Variants in MTREX observed in about 807,000 individuals in gnomAD.
MTREX encodes the protein Mtr4 exosome RNA helicase.
Under a neutral mutation model 135.4 loss-of-function variants are expected in MTREX, and 76 were observed. The observed-to-expected ratio is 0.56, with a 90% CI of 0.47 to 0.68. MTREX has a LOEUF of 0.68. Ranked by LOEUF, MTREX falls within the 30% of genes least tolerant of loss-of-function variation. The probability of loss-of-function intolerance (pLI) is 0.00; values close to 1 mark genes in which losing one functional copy is unlikely to be tolerated. For missense variants in MTREX, 920 were observed against 1,262.1 expected (o/e 0.73, Z 4.11); for synonymous variants, 404 against 401.6 (o/e 1.01, Z -0.07).
intron 15 of MTREX, among the ~76,000 whole-genome samples, chr5:55,363,440 A>T (rs973733039): frequency 6.6e-6 from 1 of 151,578 alleles, no homozygotes; most frequent in Non-Finnish European, 1.5e-5. Context: ...TCAGTAAGCA[A>T]ATTGGCAAAA....
chr5:55,353,538 AC>A (rs986752216), intron 14 of MTREX, among the ~76,000 whole-genome samples: 8 of 152,184 alleles, frequency 5.3e-5, no homozygotes, highest in Admixed American at 4.6e-4. Context: ...CCCCATCTCT[AC>A]AAAAAATGCA....
chr5:55,327,584 C>A, intron 3 of MTREX, 132 bp from the exon 4 acceptor site: 1 of 682,996 alleles, frequency 1.5e-6, no homozygotes. Flanking sequence ...TTTACAGTGT[C>A]TGAGACAGCT....
At chr5:55,367,013 CTG>C in intron 16 of MTREX, 138 bp downstream of exon 16, 1 of 595,040 alleles carries the variant, frequency 1.7e-6, no homozygotes, top group South Asian at 3.6e-5. Flanking sequence ...CAACTGTAGT[CTG>C]GTCATTGTAA....
chr5:55,334,113 G>T (rs1749517010), intron 5 of MTREX, among the ~76,000 whole-genome samples: 1 of 152,096 alleles, frequency 6.6e-6, no homozygotes, highest in Non-Finnish European at 1.5e-5. Context: ...GAAATATCCA[G>T]AATAGGTAAA....
chr5:55,380,979 A>G (rs183982156), intron 18 of MTREX, among the ~76,000 whole-genome samples: 6 of 152,254 alleles, frequency 3.9e-5, no homozygotes, highest in African/African-American at 1.4e-4. Context: ...GCTCTTCTTT[A>G]TGGGTACTTT....
intron 14 of MTREX, chr5:55,356,520 A>C (rs1749916670): frequency 4.9e-6 from 1 of 202,390 alleles, no homozygotes; most frequent in East Asian, 1.2e-4. Context: ...TACCACCCAC[A>C]AGTGTCTCAG....
intron 18 of MTREX, among the ~76,000 whole-genome samples, chr5:55,381,256 T>C (rs1750392576): frequency 6.6e-6 from 1 of 152,122 alleles, no homozygotes; most frequent in Admixed American, 6.5e-5. Context: ...CATTAGGTTA[T>C]GCCCCATCTT....
intron 16 of MTREX, among the ~76,000 whole-genome samples, chr5:55,367,988 C>G (rs569520174): frequency 2.1e-4 from 32 of 152,260 alleles, no homozygotes; most frequent in Non-Finnish European, 3.8e-4. Context: ...TATTTTGTTT[C>G]ACGAATAAGT....
intron 22 of MTREX, 29 bp from the exon 23 acceptor site, chr5:55,410,495 C>A: frequency 2.5e-6 from 1 of 395,268 alleles, no homozygotes; most frequent in South Asian, 2.3e-5. Context: ...TATATTCTGA[C>A]ATTTTATTCT....
rs192976957 is a variant in MTREX, at chr5:55,360,387, G to A, written c.1659+1689G>A. Among the ~76,000 whole-genome samples the A allele has an allele frequency of 4.0e-3, 609 of 151,384 alleles. 4 individuals carry two copies. The highest frequency in any genetic ancestry group is 0.014 in the African/African-American group (581 of 41,264). On this transcript the variant is annotated intron_variant, in intron 15 of 26. Transcript: ENST00000230640. ...ATTGTTTCCATGTTTTGGCTGTTGT[G>A]AGTAATGCTGCTATGAACTTTTTTT... is the stretch of plus-strand genomic sequence containing the variant.
chr5:55,416,043 C>T lies in MTREX; in HGVS notation c.2882C>T (p.Ser961Leu). 1 of 1,603,844 alleles carries T rather than the reference C, an allele frequency of 6.2e-7. No individual in the cohort carries two copies. Among genetic ancestry groups the T allele is most frequent in the Non-Finnish European group, 8.5e-7 (1 of 1,176,492 alleles). Residue 961 changes from serine to leucine, a missense_variant, in exon 25 of 27, where the codon TCA becomes TTA. Physicochemically the swap from Ser to Leu is moderately radical, Grantham distance 145 (BLOSUM62 -2). This residue lies in a region of MTREX where 467 missense variants were observed against 589.7 expected (regional missense o/e 0.79). Transcript: ENST00000230640. ...LEIDEETYLS[S>L]FKPHLMDVVY... ...ATTGATGAGGAAACTTATCTAAGCT[C>T]ATTTAAACCTCACTTAATGGATGTA...
At chr5:55,367,478 C>T (rs1359612456) in intron 16 of MTREX, among the ~76,000 whole-genome samples, 5 of 145,268 alleles carry the variant, frequency 3.4e-5, no homozygotes, top group Non-Finnish European at 3.0e-5. Flanking sequence ...AAGGGAGACT[C>T]CGACTCAAAA....
intron 18 of MTREX, among the ~76,000 whole-genome samples, chr5:55,386,983 T>C (rs1443889441): frequency 1.3e-5 from 2 of 152,144 alleles, no homozygotes; most frequent in South Asian, 2.1e-4. Context: ...TCATAATGAC[T>C]GAACATAATC....
chr5:55,411,489 A>G (rs535774203), intron 23 of MTREX, among the ~76,000 whole-genome samples: 46 of 152,234 alleles, frequency 3.0e-4, no homozygotes, highest in African/African-American at 9.9e-4. Flanking sequence ...AGATGTCCGT[A>G]TATGCAGTTA....
intron 26 of MTREX, chr5:55,424,519 G>C (rs576694692): frequency 3.9e-6 from 2 of 515,738 alleles, no homozygotes; most frequent in South Asian, 5.7e-5. Context: ...AGAGTCAAAA[G>C]AACAGGGGTC....
intron 1 of MTREX, among the ~76,000 whole-genome samples, chr5:55,311,575 C>G (rs1381897112): frequency 2.6e-5 from 4 of 152,180 alleles, no homozygotes; most frequent in Non-Finnish European, 5.9e-5. Flanking sequence ...TTAACTTGCT[C>G]CTGTATCCTC....
At chr5:55,394,609 G>A (rs1378803116) in intron 19 of MTREX, among the ~76,000 whole-genome samples, 1 of 152,150 alleles carries the variant, frequency 6.6e-6, no homozygotes, top group Non-Finnish European at 1.5e-5. Context: ...GACAAGAGGG[G>A]GAGTTCAGGC....
At chr5:55,364,496 C>G (rs1750065069) in intron 15 of MTREX, among the ~76,000 whole-genome samples, 1 of 152,182 alleles carries the variant, frequency 6.6e-6, no homozygotes, top group Non-Finnish European at 1.5e-5. Flanking sequence ...AAACTGAGTT[C>G]AGTACCTACA....
intron 22 of MTREX, among the ~76,000 whole-genome samples, chr5:55,408,502 T>C (rs946294485): frequency 1.3e-5 from 2 of 152,164 alleles, no homozygotes; most frequent in African/African-American, 4.8e-5. Context: ...CCAAATTTAG[T>C]TTTTGACTTT....
Sources: allele counts gnomAD v4.1 joint callset (sites outside exome capture counted in the v4.1 genomes callset), GRCh38; gene constraint gnomAD v4.1.1; regional missense constraint gnomAD v4.1.1; transcripts MANE v1.5; gene names NCBI Gene and HGNC (gene_info 2026-07-23, HGNC 2026-07-21).